RELN: variants seen among roughly 807,000 people sequenced by gnomAD.
The protein encoded by RELN is reelin.
RELN carries 108 observed loss-of-function variants against 427.6 expected under a neutral mutation model. The observed-to-expected ratio is 0.25, with a 90% confidence interval of 0.22 to 0.30. The LOEUF is 0.30. Among genes scored for constraint, RELN ranks in the 10% least tolerant of loss-of-function variants. RELN has a pLI of 1.00. For synonymous variants in RELN, 1,524 were observed against 1,513.4 expected (o/e 1.01, Z -0.16); for missense variants, 3,715 against 4,302.8 (o/e 0.86, Z 3.82).
At chr7:103,816,360 C>G (rs1223572320) in intron 3 of RELN, among the ~76,000 whole-genome samples, 3 of 152,188 alleles carry the variant, frequency 2.0e-5, no homozygotes, top group African/African-American at 7.2e-5. Context: ...GCCTGAGCAA[C>G]ACAGTGAGGT....
At chr7:103,485,275 A>G (rs1828394408) in intron 61 of RELN, among the ~76,000 whole-genome samples, 1 of 148,672 alleles carries the variant, frequency 6.7e-6, no homozygotes. Context: ...GACGCAACTT[A>G]TATCATGGTT....
chr7:103,574,146 T>C lies in RELN; in HGVS notation c.4457A>G (p.Asn1486Ser), dbSNP rs202161592. ...CCGGGCTTCCCTTTTCCCAGGGCCA[T>C]TGAAGTAGAGAGATTTGCCATCGTT... is the stretch of plus-strand genomic sequence containing the variant. ...TLNDGKSLYF[N>S]GPGKREARTV... Residue 1486 changes from asparagine (N) to serine (S), a missense_variant, in exon 30 of 65, where the codon AAT becomes AGT. Physicochemically the swap from Asn to Ser is conservative, Grantham distance 46. Around this residue, in one of 4 missense-constraint regions of RELN, gnomAD observed 2,208 missense variants for 2,361.7 expected, o/e 0.93. Coordinates refer to ENST00000428762, the MANE Select transcript of RELN (RefSeq NM_005045.4). 42 of 1,614,072 alleles carry C rather than the reference T, an allele frequency of 2.6e-5. No homozygotes were observed. The highest frequency in any genetic ancestry group is 3.3e-5 in the Non-Finnish European group (39 of 1,180,024).
intron 11 of RELN, among the ~76,000 whole-genome samples, chr7:103,662,625 C>CAAAAAAAA (rs747230376): frequency 6.5e-5 from 5 of 77,344 alleles, no homozygotes; most frequent in Non-Finnish European, 7.5e-5. Context: ...GACTCCGTCA[C>CAAAAAAAA]AAAAAAAAAA....
At chr7:103,489,136 G>T (rs1242012941) in intron 60 of RELN, among the ~76,000 whole-genome samples, 1 of 152,026 alleles carries the variant, frequency 6.6e-6, no homozygotes, top group Non-Finnish European at 1.5e-5. Context: ...GATACTCTCT[G>T]CCCTGGATAT....
rs144810665 is a variant in RELN at position 103,633,539 on chromosome 7, A to G, written c.2465+1886T>C. On this transcript the variant is annotated intron_variant, in intron 19 of 64. Transcript: ENST00000428762. ...CCATTACCACGTTCTCCTTTTAAAA[A>G]AACTCCACTTTGATCTTAATCTTTC... Among the ~76,000 whole-genome samples the G allele has an allele frequency of 7.4e-4, 113 of 151,998 alleles. No homozygotes were observed. In the South Asian group the frequency reaches 0.011, roughly 15 times the overall value.
intron 1 of RELN, among the ~76,000 whole-genome samples, chr7:103,948,160 A>G (rs1404501541): frequency 6.6e-6 from 1 of 152,206 alleles, no homozygotes; most frequent in African/African-American, 2.4e-5. Context: ...ATGCAATAAG[A>G]ATATTCAATA....
chr7:103,758,881 A>G (rs1439927492), intron 4 of RELN, among the ~76,000 whole-genome samples: 1 of 151,836 alleles, frequency 6.6e-6, no homozygotes, highest in African/African-American at 2.4e-5. Context: ...AAAGATTTAG[A>G]TCAGCAATGA....
chr7:103,481,760 G>C (rs1414959287), intron 63 of RELN, among the ~76,000 whole-genome samples: 2 of 152,264 alleles, frequency 1.3e-5, no homozygotes, highest in Non-Finnish European at 2.9e-5. Flanking sequence ...TCAGCACCCA[G>C]GTTATTTTAT....
intron 2 of RELN, among the ~76,000 whole-genome samples, chr7:103,880,662 G>C (rs2116558679): frequency 6.6e-6 from 1 of 152,190 alleles, no homozygotes; most frequent in East Asian, 1.9e-4. Flanking sequence ...TCATCCAGAG[G>C]CCTAATAAGC....
chr7:103,634,113 T>A (rs1427388896), intron 19 of RELN, among the ~76,000 whole-genome samples: 5 of 152,142 alleles, frequency 3.3e-5, no homozygotes, highest in Non-Finnish European at 7.4e-5. Flanking sequence ...ATGGAGGCAG[T>A]TCTAGGAAAA....
chr7:103,486,463 T>C lies in RELN; in HGVS notation c.9764-47A>G, dbSNP rs1293157196. The C allele has an allele frequency of 2.2e-6, 3 of 1,388,340 alleles. No individual in the cohort carries two copies. In the African/African-American group the frequency reaches 4.3e-5, roughly 20 times the overall value. The allele number at this position is 1,388,340 out of a possible 1,614,324, so 86.0% of individuals were successfully genotyped here. On this transcript the variant is annotated intron_variant, in intron 60 of 64. Transcript: ENST00000428762. ...CAGAAATTAAGTGGACCAACCAGAG[T>C]CATTCAAGATTAAGAACAAGTATTC...
chr7:103,699,112 T>C (rs1834038251), intron 9 of RELN, among the ~76,000 whole-genome samples: 1 of 152,172 alleles, frequency 6.6e-6, no homozygotes, highest in African/African-American at 2.4e-5. Flanking sequence ...AACATTTTCT[T>C]CCACCAAAGT....
intron 60 of RELN, 137 bp from the exon 61 acceptor site, chr7:103,486,553 C>CAA: frequency 2.4e-4 from 109 of 451,130 alleles, no homozygotes; most frequent in East Asian, 3.3e-4. Flanking sequence ...AACAACTTTA[C>CAA]AAAAAAAAAA....
At chr7:103,905,286 T>C (rs1195199440) in intron 2 of RELN, among the ~76,000 whole-genome samples, 2 of 152,052 alleles carry the variant, frequency 1.3e-5, no homozygotes, top group African/African-American at 4.8e-5. Context: ...CCCTCTATTT[T>C]CTTAATTCTA....
intron 1 of RELN, among the ~76,000 whole-genome samples, chr7:103,987,581 C>G (rs1236025312): frequency 6.6e-6 from 1 of 152,146 alleles, no homozygotes; most frequent in Non-Finnish European, 1.5e-5. Flanking sequence ...ACTTACCCAC[C>G]GTTCTCACTG....
chr7:103,764,805 C>A (rs1016728186), intron 4 of RELN, among the ~76,000 whole-genome samples: 4 of 141,240 alleles, frequency 2.8e-5, no homozygotes, highest in African/African-American at 1.1e-4. Context: ...CACTGCACTC[C>A]AGCCTGGTGA....
At chr7:103,707,538 C>T (rs113506322) in intron 8 of RELN, among the ~76,000 whole-genome samples, 31 of 148,528 alleles carry the variant, frequency 2.1e-4, no homozygotes, top group African/African-American at 7.3e-4. Context: ...CTCGCTCTGT[C>T]GCCAGGCTGG....
intron 16 of RELN, among the ~76,000 whole-genome samples, chr7:103,643,864 C>T (rs1326826397): frequency 1.3e-5 from 2 of 151,974 alleles, no homozygotes; most frequent in African/African-American, 4.8e-5. Context: ...GCTTCTGCTT[C>T]CTGAGTAGCT....
intron 2 of RELN, among the ~76,000 whole-genome samples, chr7:103,835,371 A>G (rs1055484815): frequency 6.6e-6 from 1 of 152,192 alleles, no homozygotes; most frequent in Non-Finnish European, 1.5e-5. Flanking sequence ...TATGGTGGAT[A>G]TGTGTCCTTA....
Sources: gnomAD v4.1 joint callset for allele counts (sites outside exome capture counted in the v4.1 genomes callset) on GRCh38, gnomAD v4.1.1 for gene constraint, gnomAD v4.1.1 regional missense constraint, MANE v1.5 for transcripts, NCBI Gene and HGNC (gene_info 2026-07-23, HGNC 2026-07-21) for gene names.